INPP4B: variants seen among roughly 807,000 people sequenced by gnomAD.
The protein encoded by INPP4B is inositol polyphosphate-4-phosphatase type II B.
Under a neutral mutation model 122.5 loss-of-function variants are expected in INPP4B, and 55 were observed. The ratio of observed to expected loss-of-function variants is 0.45; its 90% CI spans 0.36 to 0.56. The LOEUF (loss-of-function observed/expected upper bound fraction) is 0.56. INPP4B is among the 20% of genes least tolerant of loss of function. The pLI is 0.00. For synonymous variants in INPP4B, 403 were observed against 388.7 expected (o/e 1.04, Z -0.43); for missense variants, 1,000 against 1,097.7 (o/e 0.91, Z 1.26).
intron 1 of INPP4B, among the ~76,000 whole-genome samples, chr4:142,759,412 G>A (rs1770966136): frequency 6.6e-6 from 1 of 151,972 alleles, no homozygotes; most frequent in Non-Finnish European, 1.5e-5. Context: ...ACATCTTCCT[G>A]AACCCAAACT....
At chr4:142,608,092 G>A (rs890459296) in intron 2 of INPP4B, among the ~76,000 whole-genome samples, 1 of 152,012 alleles carries the variant, frequency 6.6e-6, no homozygotes, top group Non-Finnish European at 1.5e-5. Flanking sequence ...AAGTTGTTTG[G>A]TTTTTTGTTT....
intron 20 of INPP4B, 150 bp downstream of exon 20, chr4:142,123,142 G>T: frequency 3.5e-6 from 2 of 574,096 alleles, no homozygotes; most frequent in Non-Finnish European, 5.6e-6. Context: ...TAAGTTACAA[G>T]GTGAATGCAA....
At chr4:142,610,395 A>G (rs1333418113) in intron 2 of INPP4B, among the ~76,000 whole-genome samples, 1 of 152,162 alleles carries the variant, frequency 6.6e-6, no homozygotes. Flanking sequence ...AGAATAATAT[A>G]TTAATTTAAC....
Position 142,318,003 on chromosome 4 carries a change from T to G in INPP4B, c.373-3241A>C, listed in dbSNP as rs1768426203. The stretch of plus-strand genomic sequence containing the variant: ...GGATATGAGGGAAGGCATTGAATAG[T>G]AGAGTGGCATGATCAGAGCCCTTGA... On this transcript the variant is annotated intron_variant, in intron 7 of 25. Transcript: ENST00000262992. Among the ~76,000 whole-genome samples the G allele has an allele frequency of 3.3e-5, 5 of 152,238 alleles. No homozygotes were observed. In the South Asian group the frequency reaches 8.3e-4, roughly 25 times the overall value.
intron 5 of INPP4B, among the ~76,000 whole-genome samples, chr4:142,421,073 T>C (rs3775710): frequency 0.28 from 43,195 of 152,066 alleles, 7,592 homozygotes; most frequent in South Asian, 0.45. Flanking sequence ...CTTATAGCTA[T>C]AGAGTAGCAA....
chr4:142,349,106 T>A (rs1781199911), intron 7 of INPP4B, among the ~76,000 whole-genome samples: 1 of 152,074 alleles, frequency 6.6e-6, no homozygotes, highest in Admixed American at 6.6e-5. Flanking sequence ...GCCAAGATCA[T>A]CATGGCAATG....
chr4:142,346,312 A>C (rs1164241174), intron 7 of INPP4B, among the ~76,000 whole-genome samples: 1 of 152,004 alleles, frequency 6.6e-6, no homozygotes. Context: ...ATTCCATTTC[A>C]CTTTTCTTCT....
intron 25 of INPP4B, among the ~76,000 whole-genome samples, chr4:142,040,178 A>G (rs1483694070): frequency 6.6e-6 from 1 of 152,062 alleles, no homozygotes; most frequent in Non-Finnish European, 1.5e-5. Flanking sequence ...GTGACAGGAG[A>G]GAAGACAAGG....
At chr4:142,296,845 G>T (rs554388786) in intron 9 of INPP4B, among the ~76,000 whole-genome samples, 1 of 152,192 alleles carries the variant, frequency 6.6e-6, no homozygotes, top group Non-Finnish European at 1.5e-5. Context: ...TGATGTTAGA[G>T]CCTTTTGAAA....
At chr4:142,723,765 T>C (rs559464629) in intron 2 of INPP4B, among the ~76,000 whole-genome samples, 164 of 152,276 alleles carry the variant, frequency 1.1e-3, no homozygotes, top group South Asian at 1.9e-3. Context: ...ACTTCCACTA[T>C]TTAAACATTG....
At chr4:142,109,985 T>A (rs2152693701) in intron 22 of INPP4B, among the ~76,000 whole-genome samples, 1 of 152,240 alleles carries the variant, frequency 6.6e-6, no homozygotes, top group East Asian at 1.9e-4. Flanking sequence ...TTCCATAGAA[T>A]CTGAAATATA....
At chr4:142,704,096 C>A (rs1168444182) in intron 2 of INPP4B, among the ~76,000 whole-genome samples, 2 of 152,128 alleles carry the variant, frequency 1.3e-5, no homozygotes, top group Non-Finnish European at 2.9e-5. Context: ...TCACCAGCAA[C>A]ACAGGATGCA....
rs772196368 is a variant in INPP4B, at chr4:142,173,703, G to A, written c.1288C>T (p.Leu430=). 6.2e-7 allele frequency: 1 copy of A among 1,613,142 alleles called. No individual in the cohort carries two copies. The highest frequency in any genetic ancestry group is 2.2e-5 in the East Asian group (1 of 44,846). Residue 430 remains leucine (L), a synonymous_variant, in exon 16 of 26, where the codon CTA becomes TTA. Coordinates refer to ENST00000262992, the MANE Select transcript of INPP4B (RefSeq NM_001101669.3). ...LQPLIATHAD[L]LLNSASQHSP... The stretch of plus-strand genomic sequence containing the variant: ...TGCTGGCTTGCAGAATTAAGCAGTA[G>A]GTCTGCATGGGTTGCTATAAGAGGT...
At chr4:142,628,169 C>T (rs1746961985) in intron 2 of INPP4B, among the ~76,000 whole-genome samples, 1 of 149,734 alleles carries the variant, frequency 6.7e-6, no homozygotes, top group Non-Finnish European at 1.5e-5. Context: ...CCCAAATGTC[C>T]AACAATGATA....
intron 10 of INPP4B, among the ~76,000 whole-genome samples, chr4:142,261,923 G>T (rs1407884976): frequency 6.6e-5 from 10 of 152,098 alleles, no homozygotes; most frequent in Non-Finnish European, 1.5e-4. Flanking sequence ...TTGACTGAAA[G>T]AATGAATGAC....
intron 2 of INPP4B, among the ~76,000 whole-genome samples, chr4:142,470,143 C>A (rs186836374): frequency 6.6e-6 from 1 of 151,322 alleles, no homozygotes; most frequent in African/African-American, 2.4e-5. Context: ...ATAAAGAAAA[C>A]GCATAGCAGA....
chr4:142,772,908 T>C (rs1039189598), intron 1 of INPP4B, among the ~76,000 whole-genome samples: 9 of 152,032 alleles, frequency 5.9e-5, no homozygotes, highest in African/African-American at 2.2e-4. Context: ...TAGCTGGGTG[T>C]GGTGGCACAC....
intron 3 of INPP4B, among the ~76,000 whole-genome samples, chr4:142,445,218 A>G (rs1193075933): frequency 6.6e-6 from 1 of 152,208 alleles, no homozygotes; most frequent in African/African-American, 2.4e-5. Context: ...CTTAAACACA[A>G]AGAGTGAAAA....
intron 2 of INPP4B, among the ~76,000 whole-genome samples, chr4:142,463,910 C>A (rs1817226026): frequency 6.6e-6 from 1 of 152,136 alleles, no homozygotes; most frequent in Non-Finnish European, 1.5e-5. Context: ...ATTACCCAGT[C>A]TCAGGTATGT....
Sources: gnomAD v4.1 joint callset for allele counts (sites outside exome capture counted in the v4.1 genomes callset) on GRCh38, gnomAD v4.1.1 for gene constraint, MANE v1.5 for transcripts, NCBI Gene and HGNC (gene_info 2026-07-23, HGNC 2026-07-21) for gene names.